The following TOPAZ1 variants were observed in gnomAD, a reference collection of about 807,000 sequenced individuals.
The protein encoded by TOPAZ1 is protein TOPAZ1.
In TOPAZ1, 66 loss-of-function variants were observed where a neutral mutation model predicts 172.2. The ratio of observed to expected loss-of-function variants is 0.38; its 90% CI spans 0.31 to 0.47. The LOEUF (loss-of-function observed/expected upper bound fraction) is 0.47, where lower values mean the gene tolerates loss of function less well. Ranked by LOEUF, TOPAZ1 falls within the 20% of genes least tolerant of loss-of-function variation. TOPAZ1 has a pLI of 0.99. For missense variants in TOPAZ1, 1,822 were observed against 1,972.4 expected (o/e 0.92, Z 1.44); for synonymous variants, 681 against 683.9 (o/e 1.00, Z 0.07).
intron 8 of TOPAZ1, among the ~76,000 whole-genome samples, chr3:44,272,852 C>T (rs1190398554): frequency 6.6e-6 from 1 of 152,204 alleles, no homozygotes; most frequent in Non-Finnish European, 1.5e-5. Context: ...AGCCACTGCA[C>T]GCAGCCTCCG....
chr3:44,304,789 T>C (rs1168794462), intron 13 of TOPAZ1, among the ~76,000 whole-genome samples: 3 of 152,242 alleles, frequency 2.0e-5, no homozygotes, highest in Admixed American at 6.5e-5. Flanking sequence ...AAATAATGCA[T>C]TGCCATGGAG....
chr3:44,268,798 G>A (rs537149531), intron 6 of TOPAZ1, among the ~76,000 whole-genome samples: 1 of 152,202 alleles, frequency 6.6e-6, no homozygotes, highest in African/African-American at 2.4e-5. Context: ...TCATATTGAG[G>A]GTTAGGGCTT....
chr3:44,269,829 A>C (rs1699876266), intron 7 of TOPAZ1, among the ~76,000 whole-genome samples: 1 of 151,830 alleles, frequency 6.6e-6, no homozygotes, highest in African/African-American at 2.4e-5. Flanking sequence ...ATGGGGTTTC[A>C]CCATGTTGGC....
At position 44,262,411 on chromosome 3, in the gene TOPAZ1, C is replaced by A; in HGVS notation, c.2956-8C>A. 6.9e-7 allele frequency: 1 copy of A among 1,448,212 alleles called. No individual in the cohort carries two copies. The highest frequency in any genetic ancestry group is 1.4e-5 in the African/African-American group (1 of 70,516). 89.7% of individuals were successfully genotyped at this position (1,448,212 alleles called of 1,614,324 possible). A position where few individuals can be genotyped will look rare whatever the true frequency, so the allele number is the denominator to read the frequency against. On this transcript the variant is annotated splice_region_variant and splice_polypyrimidine_tract_variant and intron_variant, in intron 4 of 19. Transcript: ENST00000309765. Reference sequence around the variant, plus strand: ...ACTTGTACTTATTTAACCATAATCTCTTCACAGCATAGATTTACAGACAAA... The same window carrying A: ...ACTTGTACTTATTTAACCATAATCTATTCACAGCATAGATTTACAGACAAA...
chr3:44,264,435 C>T (rs1405867168), intron 5 of TOPAZ1, among the ~76,000 whole-genome samples: 2 of 152,196 alleles, frequency 1.3e-5, no homozygotes, highest in Non-Finnish European at 2.9e-5. Flanking sequence ...AATGTACACA[C>T]CTTCATTTAA....
At position 44,298,929 on chromosome 3, in the gene TOPAZ1, T is replaced by G. The variant is rs868198841; in HGVS notation, c.3798-5086T>G. The stretch of plus-strand genomic sequence containing the variant: ...TATATATTTTTTTTTTTTTTTTTTT[T>G]TTTTTCCCCCTGAGATAGAGTCTTG... On this transcript the variant is annotated intron_variant, in intron 12 of 19. Coordinates refer to ENST00000309765, the MANE Select transcript of TOPAZ1 (RefSeq NM_001145030.2). Among the ~76,000 whole-genome samples the G allele has an allele frequency of 6.6e-3, 349 of 52,526 alleles. 15 individuals carry two copies. Among genetic ancestry groups the G allele is most frequent in the African/African-American group, 0.022 (333 of 15,440 alleles). 34.5% of individuals were successfully genotyped at this position (52,526 alleles called of 152,430 possible).
chr3:44,330,818 A>T (rs1700659346), intron 19 of TOPAZ1, among the ~76,000 whole-genome samples: 1 of 152,220 alleles, frequency 6.6e-6, no homozygotes, highest in African/African-American at 2.4e-5. Flanking sequence ...AAACTGACAT[A>T]CCGTGTGAAT....
chr3:44,323,187 G>A lies in TOPAZ1; in HGVS notation c.4567G>A (p.Glu1523Lys). The A allele has an allele frequency of 1.3e-6, 2 of 1,550,350 alleles. No individual in the cohort carries two copies. The highest frequency in any genetic ancestry group is 1.7e-6 in the Non-Finnish European group (2 of 1,145,994). ...SSLGMSSSVA[E>K]FMISKSIPID... ...TCTTGGTATGTCATCCTCTGTGGCA[G>A]AATTCATGATTTCAAAGAGCATCCC... The change falls in exon 18 of 20, where the codon GAA becomes AAA. Residue 1523 changes from glutamate to lysine, a missense_variant. Glu to Lys is a moderately conservative substitution (Grantham distance 56). This residue lies in a region of TOPAZ1 where 333 missense variants were observed against 481.7 expected (regional missense o/e 0.69). Coordinates refer to ENST00000309765, the MANE Select transcript of TOPAZ1 (RefSeq NM_001145030.2).
rs541523820 is a variant in TOPAZ1 at position 44,269,299 on chromosome 3, G to A, written c.3244G>A (p.Gly1082Arg). 306 of 1,528,650 alleles carry A rather than the reference G, an allele frequency of 2.0e-4. No homozygotes were observed. Among genetic ancestry groups the A allele is most frequent in the African/African-American group, 1.5e-3 (110 of 72,538 alleles). The allele number at this position is 1,528,650 out of a possible 1,614,324, so 94.7% of individuals were successfully genotyped here. A position where few individuals can be genotyped will look rare whatever the true frequency, so the allele number is the denominator to read the frequency against. Residue 1082 changes from glycine to arginine, a missense_variant and splice_region_variant, in exon 7 of 20, where the codon GGG becomes AGG. Around this residue, in one of 2 missense-constraint regions of TOPAZ1, gnomAD observed 1,489 missense variants for 1,490.8 expected, o/e 1.00. Coordinates refer to ENST00000309765, the MANE Select transcript of TOPAZ1 (RefSeq NM_001145030.2). ...CEIFKREKNV[G>R]VFQKSLGLMI... ...AATATTCAAGAGGGAAAAAAATGTG[G>A]GGGTAAGTCTACTTTAAAAAATAAT...
chr3:44,296,318 C>T (rs1182523983), intron 12 of TOPAZ1, among the ~76,000 whole-genome samples: 3 of 151,318 alleles, frequency 2.0e-5, no homozygotes, highest in Admixed American at 2.0e-4. Flanking sequence ...GGCAATAAAG[C>T]TAAGAATATG....
At chr3:44,294,076 C>CA (rs1348617317) in intron 12 of TOPAZ1, among the ~76,000 whole-genome samples, 1 of 151,976 alleles carries the variant, frequency 6.6e-6, no homozygotes, top group Non-Finnish European at 1.5e-5. Flanking sequence ...CTCATCTCTA[C>CA]AAAAAATAGA....
chr3:44,269,404 T>C, intron 7 of TOPAZ1, 103 bp downstream of exon 7: 1 of 538,384 alleles, frequency 1.9e-6, no homozygotes, highest in Non-Finnish European at 3.4e-6. Context: ...CCCTCTTTTA[T>C]CCTCCCCTTA....
chr3:44,298,909 AT>A lies in TOPAZ1; in HGVS notation c.3798-5081del, dbSNP rs1220596657. Reference sequence around the variant, plus strand: ...ATATATATTATATATATATATATATATTTTTTTTTTTTTTTTTTTTTTTTTC... The same window carrying A: ...ATATATATTATATATATATATATATATTTTTTTTTTTTTTTTTTTTTTTTC... On this transcript the variant is annotated intron_variant, in intron 12 of 19. Coordinates refer to ENST00000309765, the MANE Select transcript of TOPAZ1 (RefSeq NM_001145030.2). 5.7e-3 allele frequency among the ~76,000 whole-genome samples: 237 copies of A among 41,224 alleles called. 2 individuals are homozygous for A. Among genetic ancestry groups the A allele is most frequent in the African/African-American group, 9.0e-3 (117 of 12,938 alleles). The allele number at this position is 41,224 out of a possible 152,430, so 27.0% of individuals were successfully genotyped here.
At chr3:44,267,461 AT>A (rs1212994138) in intron 6 of TOPAZ1, among the ~76,000 whole-genome samples, 2 of 151,652 alleles carry the variant, frequency 1.3e-5, no homozygotes, top group Non-Finnish European at 2.9e-5. Context: ...TGCCCGGCTA[AT>A]TTTTTTGTAT....
At chr3:44,290,622 C>G (rs1361926028) in intron 11 of TOPAZ1, 149 bp from the exon 12 acceptor site, 1 of 566,248 alleles carries the variant, frequency 1.8e-6, no homozygotes, top group Non-Finnish European at 3.2e-6. Flanking sequence ...TTTTGTGGTT[C>G]TGTGCCTCAA....
At chr3:44,242,480 C>T in intron 1 of TOPAZ1, 81 bp downstream of exon 1, 1 of 1,372,768 alleles carries the variant, frequency 7.3e-7, no homozygotes, top group Non-Finnish European at 1.0e-6. Flanking sequence ...TAGTCTTTAA[C>T]TTGAACCTGC....
In TOPAZ1 at chr3:44,245,007, G is replaced by A. The variant is rs1465705411; in HGVS notation, c.2501G>A (p.Ser834Asn). The change falls in exon 2 of 20, where the codon AGT becomes AAT. Residue 834 changes from serine to asparagine, a missense_variant. Physicochemically the swap from Ser to Asn is conservative, Grantham distance 46. Around this residue, in one of 2 missense-constraint regions of TOPAZ1, gnomAD observed 1,489 missense variants for 1,490.8 expected, o/e 1.00. Transcript: ENST00000309765. ...CAAGAAACATTCCGACCAGTGTCCA[G>A]TGAAGTTAGGGGTAGAAAAATAACT... is the stretch of plus-strand genomic sequence containing the variant. ...NEQETFRPVS[S>N]EVRGRKITKN... 6.4e-7 allele frequency: 1 copy of A among 1,551,730 alleles called. No individual in the cohort carries two copies. Among genetic ancestry groups the A allele is most frequent in the East Asian group, 2.4e-5 (1 of 40,918 alleles).
At chr3:44,247,623 G>GTC (rs1281251964) in intron 2 of TOPAZ1, among the ~76,000 whole-genome samples, 1 of 152,074 alleles carries the variant, frequency 6.6e-6, no homozygotes, top group African/African-American at 2.4e-5. Flanking sequence ...CCTACCACCA[G>GTC]TCCTATTTAC....
chr3:44,328,557 G>A (rs187510259), intron 19 of TOPAZ1, 124 bp downstream of exon 19: 3 of 450,500 alleles, frequency 6.7e-6, no homozygotes, highest in African/African-American at 4.1e-5. Flanking sequence ...ATTTATATAT[G>A]TACTTTATGT....
Sources: gnomAD v4.1 joint callset for allele counts (sites outside exome capture counted in the v4.1 genomes callset) on GRCh38, gnomAD v4.1.1 for gene constraint, gnomAD v4.1.1 regional missense constraint, MANE v1.5 for transcripts, NCBI Gene and HGNC (gene_info 2026-07-23, HGNC 2026-07-21) for gene names.